Variants in EXOC6B observed in about 807,000 individuals in gnomAD.
EXOC6B encodes exocyst complex component 6B.
EXOC6B carries 54 observed loss-of-function variants against 113.5 expected under a neutral mutation model. That is an observed-to-expected ratio of 0.48 (90% CI 0.38 to 0.60). EXOC6B has a LOEUF of 0.60. Ranked by LOEUF, EXOC6B falls within the 20% of genes least tolerant of loss-of-function variation. The pLI is 0.00. For missense variants in EXOC6B, 797 were observed against 977.5 expected (o/e 0.82, Z 2.46); for synonymous variants, 357 against 339.0 (o/e 1.05, Z -0.58).
At chr2:72,698,243 G>T (rs971742687) in intron 6 of EXOC6B, among the ~76,000 whole-genome samples, 3 of 152,132 alleles carry the variant, frequency 2.0e-5, no homozygotes, top group Non-Finnish European at 2.9e-5. Flanking sequence ...AGGAATCACC[G>T]CTTCCTCTGA....
At chr2:72,240,550 T>C (rs1471769662) in intron 20 of EXOC6B, among the ~76,000 whole-genome samples, 2 of 152,218 alleles carry the variant, frequency 1.3e-5, no homozygotes, top group Non-Finnish European at 2.9e-5. Context: ...TGAAGTTCTC[T>C]TGAGCCCGGA....
intron 11 of EXOC6B, among the ~76,000 whole-genome samples, chr2:72,507,366 G>A (rs908056047): frequency 1.3e-5 from 2 of 152,016 alleles, no homozygotes; most frequent in African/African-American, 4.8e-5. Context: ...TTAATACTGA[G>A]TTGTTTCTTA....
At chr2:72,497,085 C>T (rs1014317051) in intron 13 of EXOC6B, among the ~76,000 whole-genome samples, 10 of 151,342 alleles carry the variant, frequency 6.6e-5, no homozygotes, top group African/African-American at 2.2e-4. Context: ...GCAATCCTCC[C>T]GCCACAGCCT....
At chr2:72,694,519 T>C (rs1390554189) in intron 6 of EXOC6B, among the ~76,000 whole-genome samples, 1 of 152,228 alleles carries the variant, frequency 6.6e-6, no homozygotes, top group East Asian at 1.9e-4. Context: ...TTTCAGAAGA[T>C]AGATAATTCT....
rs1389352073 is a variant in EXOC6B, at chr2:72,228,983, T to C, written c.2197-44796A>G. Among the ~76,000 whole-genome samples the C allele has an allele frequency of 2.6e-5, 4 of 152,334 alleles. No homozygotes were observed. In the South Asian group the frequency reaches 6.2e-4, roughly 24 times the overall value. ...CTAATTGGTGTGAGATGGTATCTCA[T>C]TGTGGTTTTGATTTGCATTTCTCTG... On this transcript the variant is annotated intron_variant, in intron 20 of 21. Coordinates refer to ENST00000272427, the MANE Select transcript of EXOC6B (RefSeq NM_015189.3).
chr2:72,729,093 A>C (rs1680481738), intron 5 of EXOC6B, among the ~76,000 whole-genome samples: 1 of 152,176 alleles, frequency 6.6e-6, no homozygotes, highest in African/African-American at 2.4e-5. Context: ...AGATCTCAAA[A>C]TGAGGACTGA....
intron 20 of EXOC6B, among the ~76,000 whole-genome samples, chr2:72,230,299 AAGTT>A (rs1304036383): frequency 6.6e-6 from 1 of 152,234 alleles, no homozygotes; most frequent in Admixed American, 6.5e-5. Flanking sequence ...AATATGAACT[AAGTT>A]AGAAAAAATT....
chr2:72,757,227 T>A (rs1000745458), intron 1 of EXOC6B, among the ~76,000 whole-genome samples: 5 of 152,130 alleles, frequency 3.3e-5, no homozygotes, highest in African/African-American at 1.2e-4. Flanking sequence ...TCAATAATTA[T>A]CTAAAATAAA....
At chr2:72,299,934 C>A (rs1267269005) in intron 20 of EXOC6B, among the ~76,000 whole-genome samples, 1 of 152,070 alleles carries the variant, frequency 6.6e-6, no homozygotes, top group African/African-American at 2.4e-5. Context: ...AGCTCTAGAG[C>A]GCTCCTGTAT....
At chr2:72,592,818 T>C (rs1706058519) in intron 6 of EXOC6B, among the ~76,000 whole-genome samples, 2 of 152,202 alleles carry the variant, frequency 1.3e-5, no homozygotes, top group South Asian at 4.1e-4. Context: ...TTGGAATTTC[T>C]GAGTGTAAGA....
At chr2:72,307,235 G>T (rs1360480779) in intron 20 of EXOC6B, among the ~76,000 whole-genome samples, 1 of 150,952 alleles carries the variant, frequency 6.6e-6, no homozygotes, top group African/African-American at 2.5e-5. Context: ...GGCCTCCCAG[G>T]TTCAAGCGAT....
At chr2:72,738,778 C>A (rs1340054207) in intron 2 of EXOC6B, among the ~76,000 whole-genome samples, 1 of 152,114 alleles carries the variant, frequency 6.6e-6, no homozygotes, top group Non-Finnish European at 1.5e-5. Flanking sequence ...GAGTTCAAGA[C>A]CAGCCTGGCC....
chr2:72,529,344 T>G (rs765266828), intron 8 of EXOC6B, among the ~76,000 whole-genome samples: 1 of 152,236 alleles, frequency 6.6e-6, no homozygotes, highest in Non-Finnish European at 1.5e-5. Flanking sequence ...TATATTCATT[T>G]TATACATTAC....
At chr2:72,430,201 G>A (rs898548451) in intron 18 of EXOC6B, among the ~76,000 whole-genome samples, 2 of 152,218 alleles carry the variant, frequency 1.3e-5, no homozygotes, top group Non-Finnish European at 2.9e-5. Context: ...AACTACTGAT[G>A]TAGCCAATAC....
At chr2:72,809,858 A>T (rs1401947191) in intron 1 of EXOC6B, among the ~76,000 whole-genome samples, 2 of 152,196 alleles carry the variant, frequency 1.3e-5, no homozygotes, top group Non-Finnish European at 2.9e-5. Flanking sequence ...TCTAGACAGA[A>T]AATCATAAAT....
At chr2:72,659,161 A>G (rs1417713959) in intron 6 of EXOC6B, among the ~76,000 whole-genome samples, 1 of 152,146 alleles carries the variant, frequency 6.6e-6, no homozygotes, top group Non-Finnish European at 1.5e-5. Flanking sequence ...AAAACAATAC[A>G]GTCTTTTGAC....
At chr2:72,589,379 C>G (rs549404658) in intron 6 of EXOC6B, among the ~76,000 whole-genome samples, 32 of 151,802 alleles carry the variant, frequency 2.1e-4, no homozygotes, top group Non-Finnish European at 3.8e-4. Flanking sequence ...ATAACTAATT[C>G]AAAGGGAAAA....
At chr2:72,521,778 C>A (rs922653455) in intron 8 of EXOC6B, among the ~76,000 whole-genome samples, 1 of 152,052 alleles carries the variant, frequency 6.6e-6, no homozygotes, top group Non-Finnish European at 1.5e-5. Flanking sequence ...CTCACTGCAA[C>A]CTCCGCCTCC....
chr2:72,272,807 C>A (rs1684576738), intron 20 of EXOC6B, among the ~76,000 whole-genome samples: 1 of 152,134 alleles, frequency 6.6e-6, no homozygotes, highest in Non-Finnish European at 1.5e-5. Context: ...TATGGTAGAA[C>A]TGGCCATTGC....
Sources: gnomAD v4.1 joint callset for allele counts (sites outside exome capture counted in the v4.1 genomes callset) on GRCh38, gnomAD v4.1.1 for gene constraint, MANE v1.5 for transcripts, NCBI Gene and HGNC (gene_info 2026-07-23, HGNC 2026-07-21) for gene names.